The following IFT74 variants were observed in gnomAD, a reference collection of about 807,000 sequenced individuals.
The protein encoded by IFT74 is intraflagellar transport 74, also known as intraflagellar transport protein 74 homolog.
IFT74 carries 92 observed loss-of-function variants against 96.7 expected under a neutral mutation model. The ratio of observed to expected loss-of-function variants is 0.95; its 90% CI spans 0.80 to 1.13. The LOEUF is 1.13. Ranked by LOEUF, IFT74 falls within the 50% of genes most tolerant of loss-of-function variation. The pLI, the probability that IFT74 is intolerant of heterozygous loss-of-function variation, is 0.00. For synonymous variants in IFT74, 223 were observed against 213.2 expected (o/e 1.05, Z -0.40); for missense variants, 811 against 698.2 (o/e 1.16, Z -1.82).
rs773704944 is a variant in IFT74, at chr9:27,048,204, G to T, written c.1263G>T (p.Met421Ile). 6.2e-7 allele frequency: 1 copy of T among 1,602,646 alleles called. No individual in the cohort carries two copies. Among genetic ancestry groups the T allele is most frequent in the Non-Finnish European group, 8.5e-7 (1 of 1,170,706 alleles). ...TCACCAATCAAGAGCTAAAGATGAT[G>T]CAGGATGACCTCAATTTTAAATCTA... The part of the protein sequence containing the change: ...SSITNQELKM[M>I]QDDLNFKSTE... Residue 421 changes from methionine (M) to isoleucine (I), a missense_variant, in exon 16 of 20, where the codon ATG (methionine) becomes ATT (isoleucine). Coordinates refer to ENST00000380062, the MANE Select transcript of IFT74 (RefSeq NM_025103.4).
intron 1 of IFT74, among the ~76,000 whole-genome samples, chr9:26,948,434 G>A (rs1825816307): frequency 8.8e-6 from 1 of 113,518 alleles, no homozygotes; most frequent in African/African-American, 3.0e-5. Flanking sequence ...GACAACCTGT[G>A]ATGGCTTTCC....
chr9:26,947,473 G>A (rs753730270), intron 1 of IFT74: 50 of 163,168 alleles, frequency 3.1e-4, no homozygotes, highest in Non-Finnish European at 5.4e-4. Flanking sequence ...GGTAAATCGG[G>A]AAGCGGGCCG....
chr9:27,043,146 A>C (rs1290686696), intron 13 of IFT74, among the ~76,000 whole-genome samples: 2 of 152,178 alleles, frequency 1.3e-5, no homozygotes, highest in Non-Finnish European at 2.9e-5. Context: ...AGGGTTTCCT[A>C]TTGGTGCTGG....
chr9:26,967,020 C>A (rs973657059), intron 2 of IFT74, among the ~76,000 whole-genome samples: 11 of 151,116 alleles, frequency 7.3e-5, no homozygotes, highest in Non-Finnish European at 1.6e-4. Context: ...GTTTTTATGC[C>A]AGTATGCTTT....
intron 12 of IFT74, among the ~76,000 whole-genome samples, chr9:27,020,099 C>T (rs1829528986): frequency 1.3e-5 from 2 of 152,082 alleles, no homozygotes; most frequent in Middle Eastern, 3.4e-3. Flanking sequence ...CCTCAGCCTC[C>T]CGAGTAGCTG....
intron 9 of IFT74, among the ~76,000 whole-genome samples, chr9:27,010,215 G>T (rs555934095): frequency 1.7e-4 from 25 of 151,496 alleles, no homozygotes; most frequent in African/African-American, 4.6e-4. Context: ...GGTCTTGATC[G>T]CCTGACCTCG....
chr9:27,005,436 T>C (rs1828725812), intron 8 of IFT74, among the ~76,000 whole-genome samples: 1 of 141,478 alleles, frequency 7.1e-6, no homozygotes, highest in Non-Finnish European at 1.5e-5. Flanking sequence ...GTCTCAGGTA[T>C]ATAGTATTTT....
At chr9:26,988,572 CATT>C in intron 6 of IFT74, 94 bp from the exon 7 acceptor site, 1 of 1,119,746 alleles carries the variant, frequency 8.9e-7, no homozygotes, top group Non-Finnish European at 1.2e-6. Context: ...AGTTACTACT[CATT>C]ATTTGTAAGA....
At chr9:26,956,302 C>A (rs1469454886), upstream of IFT74, 2 of 152,258 alleles carry the variant, frequency 1.3e-5, no homozygotes, top group Non-Finnish European at 2.9e-5. Context: ...ATCCTCAATT[C>A]TCGCGAGAGC....
intron 16 of IFT74, among the ~76,000 whole-genome samples, chr9:27,055,208 A>G (rs187589564): frequency 4.6e-5 from 7 of 152,180 alleles, no homozygotes; most frequent in East Asian, 1.9e-4. Flanking sequence ...TATGTGTGCA[A>G]TTATAAAATT....
At chr9:26,950,484 C>T (rs146614559) in intron 1 of IFT74, among the ~76,000 whole-genome samples, 62 of 152,172 alleles carry the variant, frequency 4.1e-4, no homozygotes, top group Middle Eastern at 3.4e-3. Context: ...CTTTTCCTTG[C>T]CTCAAAGTTT....
At chr9:27,014,907 C>T (rs994028693) in intron 10 of IFT74, among the ~76,000 whole-genome samples, 1 of 152,152 alleles carries the variant, frequency 6.6e-6, no homozygotes, top group Non-Finnish European at 1.5e-5. Flanking sequence ...ACGCCCAGCC[C>T]AGATTTCTTT....
chr9:27,010,573 T>C (rs1829016293), intron 9 of IFT74, among the ~76,000 whole-genome samples: 1 of 150,658 alleles, frequency 6.6e-6, no homozygotes, highest in Admixed American at 6.6e-5. Flanking sequence ...CACTGGAAGC[T>C]CCGCCTCCCA....
chr9:27,005,354 C>CA (rs1554671223), intron 8 of IFT74, among the ~76,000 whole-genome samples: 3 of 37,588 alleles, frequency 8.0e-5, no homozygotes, highest in African/African-American at 3.4e-4. Context: ...AAACCATTTC[C>CA]CCCCCCGCCC....
intron 8 of IFT74, among the ~76,000 whole-genome samples, chr9:26,999,090 G>A (rs372076233): frequency 4.1e-4 from 63 of 152,066 alleles, no homozygotes; most frequent in African/African-American, 1.4e-3. Context: ...TGTTTTAAAA[G>A]GAAATATTTA....
chr9:26,989,197 C>G (rs1238279114), intron 7 of IFT74, among the ~76,000 whole-genome samples: 5 of 151,974 alleles, frequency 3.3e-5, no homozygotes, highest in African/African-American at 1.2e-4. Flanking sequence ...GGACATAACA[C>G]TGGGGACTCC....
At chr9:26,957,961 G>C (rs1333169048) in intron 1 of IFT74, among the ~76,000 whole-genome samples, 1 of 151,972 alleles carries the variant, frequency 6.6e-6, no homozygotes, top group African/African-American at 2.4e-5. Flanking sequence ...CACTATGTTA[G>C]CCAGGATGGT....
upstream of IFT74, chr9:26,956,011 C>CG (rs1473683376): frequency 6.6e-6 from 1 of 152,176 alleles, no homozygotes; most frequent in Non-Finnish European, 1.5e-5. Flanking sequence ...GTACGCTATG[C>CG]CGTCCTAATA....
intron 8 of IFT74, among the ~76,000 whole-genome samples, chr9:27,006,514 G>A (rs1034327972): frequency 6.6e-6 from 1 of 151,982 alleles, no homozygotes; most frequent in Non-Finnish European, 1.5e-5. Flanking sequence ...CTGAGGTGGG[G>A]GGATGGCTTG....
Sources: gnomAD v4.1 joint callset for allele counts (sites outside exome capture counted in the v4.1 genomes callset) on GRCh38, gnomAD v4.1.1 for gene constraint, MANE v1.5 for transcripts, NCBI Gene and HGNC (gene_info 2026-07-23, HGNC 2026-07-21) for gene names.